Variants in COMMD10 observed in about 807,000 individuals in gnomAD.
The protein encoded by COMMD10 is COMM domain-containing protein 10.
In COMMD10, 33 loss-of-function variants were observed where a neutral mutation model predicts 28.9. The ratio of observed to expected loss-of-function variants is 1.14; its 90% CI spans 0.87 to 1.53. The LOEUF (loss-of-function observed/expected upper bound fraction) is 1.53, where lower values mean the gene tolerates loss of function less well. COMMD10 is among the 40% of genes most tolerant of loss of function. The pLI is 0.00. For synonymous variants in COMMD10, 110 were observed against 81.7 expected, an observed-to-expected ratio of 1.35 and a Z score of -1.87; for missense variants, 310 against 233.4, an observed-to-expected ratio of 1.33 and a Z score of -2.14.
At chr5:116,231,985 A>AG (rs781290222) in intron 5 of COMMD10, among the ~76,000 whole-genome samples, 7 of 152,136 alleles carry the variant, frequency 4.6e-5, no homozygotes, top group Admixed American at 1.3e-4. Context: ...TCCATGGCAA[A>AG]GGGGTCATCT....
At chr5:116,214,827 C>T (rs1056459968) in intron 5 of COMMD10, among the ~76,000 whole-genome samples, 5 of 152,026 alleles carry the variant, frequency 3.3e-5, no homozygotes, top group African/African-American at 1.2e-4. Context: ...ATAATCAAAG[C>T]AGTGTGTAGC....
chr5:116,290,669 T>A (rs1751339011), intron 5 of COMMD10, among the ~76,000 whole-genome samples: 1 of 151,942 alleles, frequency 6.6e-6, no homozygotes, highest in Non-Finnish European at 1.5e-5. Flanking sequence ...TTTTATGTCA[T>A]GTGATTACAG....
intron 2 of COMMD10, among the ~76,000 whole-genome samples, chr5:116,090,672 T>C (rs76826764): frequency 2.9e-3 from 447 of 152,276 alleles, no homozygotes; most frequent in East Asian, 8.5e-3. Flanking sequence ...GTAGGCAGCT[T>C]CAAGAAATGA....
Position 116,230,811 on chromosome 5 carries a change from T to C in COMMD10, c.511-60706T>C, listed in dbSNP as rs1423502150. On this transcript the variant is annotated intron_variant, in intron 5 of 6. Transcript: ENST00000274458. ...TGAAGTTGCCTTGACAAGCAGAGAT[T>C]CCTTGAATCAGTCCAAATACATGAT... Among the ~76,000 whole-genome samples, 13 of 152,214 alleles carry C rather than the reference T, an allele frequency of 8.5e-5. No individual in the cohort carries two copies. The East Asian group carries it at 2.5e-3, about 29-fold the overall frequency.
chr5:116,114,223 T>A (rs1751155702), intron 4 of COMMD10, among the ~76,000 whole-genome samples: 1 of 152,100 alleles, frequency 6.6e-6, no homozygotes, highest in Admixed American at 6.5e-5. Context: ...GCACATGAGT[T>A]GGCAGTTCCA....
intron 5 of COMMD10, among the ~76,000 whole-genome samples, chr5:116,159,166 C>T (rs1752836837): frequency 6.6e-6 from 1 of 152,042 alleles, no homozygotes; most frequent in South Asian, 2.1e-4. Flanking sequence ...ACAGGCTTTC[C>T]TTATAACTCA....
intron 5 of COMMD10, among the ~76,000 whole-genome samples, chr5:116,250,781 C>G (rs1043990089): frequency 6.6e-6 from 1 of 151,904 alleles, no homozygotes; most frequent in Non-Finnish European, 1.5e-5. Flanking sequence ...AGATACAGAG[C>G]TCAAAACAGG....
chr5:116,290,734 A>C (rs60462627), intron 5 of COMMD10, among the ~76,000 whole-genome samples: 8,175 of 150,084 alleles, frequency 0.054, 394 homozygotes, highest in African/African-American at 0.12. Context: ...ATTAACTTTC[A>C]CTTCTTCAGA....
intron 5 of COMMD10, among the ~76,000 whole-genome samples, chr5:116,207,186 C>G (rs1465085587): frequency 6.6e-6 from 1 of 152,050 alleles, no homozygotes; most frequent in African/African-American, 2.4e-5. Flanking sequence ...AATATTTGCT[C>G]TTTTTACTCC....
At chr5:116,259,094 G>C (rs1412418654) in intron 5 of COMMD10, among the ~76,000 whole-genome samples, 4 of 125,338 alleles carry the variant, frequency 3.2e-5, no homozygotes, top group Non-Finnish European at 6.4e-5. Flanking sequence ...TGAGAGTCTC[G>C]CTTTCTCACC....
chr5:116,160,038 T>G (rs1186015610), intron 5 of COMMD10, among the ~76,000 whole-genome samples: 1 of 152,194 alleles, frequency 6.6e-6, no homozygotes. Flanking sequence ...GATGTTGATA[T>G]GCGAGACACT....
At chr5:116,261,493 C>T (rs559091487) in intron 5 of COMMD10, among the ~76,000 whole-genome samples, 4 of 151,748 alleles carry the variant, frequency 2.6e-5, no homozygotes, top group Non-Finnish European at 5.9e-5. Context: ...ACTCTTTTAT[C>T]AAATTGGTCA....
At chr5:116,143,301 G>A (rs1414870020) in intron 5 of COMMD10, among the ~76,000 whole-genome samples, 1 of 151,618 alleles carries the variant, frequency 6.6e-6, no homozygotes, top group Middle Eastern at 3.4e-3. Context: ...TACTGTTTCA[G>A]ATGCTACTTA....
At chr5:116,215,872 C>T (rs1348885220) in intron 5 of COMMD10, among the ~76,000 whole-genome samples, 1 of 150,740 alleles carries the variant, frequency 6.6e-6, no homozygotes, top group Admixed American at 6.6e-5. Flanking sequence ...ATTAACATTG[C>T]TGTTGTGAAG....
chr5:116,181,887 A>G (rs1747978788), intron 5 of COMMD10, among the ~76,000 whole-genome samples: 1 of 152,080 alleles, frequency 6.6e-6, no homozygotes, highest in South Asian at 2.1e-4. Context: ...TAAACATCTA[A>G]TATGTGCCAG....
chr5:116,166,838 G>A (rs537555690), intron 5 of COMMD10, among the ~76,000 whole-genome samples: 6 of 152,182 alleles, frequency 3.9e-5, no homozygotes, highest in East Asian at 1.9e-4. Context: ...AACCCCATCC[G>A]AAGGTCACCA....
At chr5:116,175,014 T>C (rs1314012590) in intron 5 of COMMD10, among the ~76,000 whole-genome samples, 1 of 152,106 alleles carries the variant, frequency 6.6e-6, no homozygotes, top group Non-Finnish European at 1.5e-5. Flanking sequence ...GGAGAACCAG[T>C]TTGCTGGGGA....
At chr5:116,272,197 T>G (rs778769309) in intron 5 of COMMD10, among the ~76,000 whole-genome samples, 31 of 151,896 alleles carry the variant, frequency 2.0e-4, no homozygotes, top group Non-Finnish European at 4.0e-4. Flanking sequence ...AATTTAGCCA[T>G]GTCAGTGCAG....
intron 5 of COMMD10, among the ~76,000 whole-genome samples, chr5:116,278,629 T>C (rs1750981939): frequency 6.6e-6 from 1 of 151,886 alleles, no homozygotes; most frequent in Non-Finnish European, 1.5e-5. Context: ...AAATATTTCA[T>C]GCGCTCTCTT....
Sources: allele counts gnomAD v4.1 joint callset (sites outside exome capture counted in the v4.1 genomes callset), GRCh38; gene constraint gnomAD v4.1.1; transcripts MANE v1.5; gene names NCBI Gene and HGNC (gene_info 2026-07-23, HGNC 2026-07-21).